The following ATP9B variants were observed in gnomAD, a reference collection of about 807,000 sequenced individuals.
ATP9B encodes ATPase phospholipid transporting 9B, also known as probable phospholipid-transporting ATPase IIB.
Under a neutral mutation model 146.1 loss-of-function variants are expected in ATP9B, and 110 were observed. That is an observed-to-expected ratio of 0.75 (90% confidence interval 0.65 to 0.88). The LOEUF is 0.88. Among genes scored for constraint, ATP9B ranks in the 40% least tolerant of loss-of-function variants. ATP9B has a pLI of 0.00. For synonymous variants in ATP9B, 604 were observed against 569.7 expected, an observed-to-expected ratio of 1.06 and a Z score of -0.86; for missense variants, 1,499 against 1,496.4, an observed-to-expected ratio of 1.00 and a Z score of -0.03.
intron 4 of ATP9B, among the ~76,000 whole-genome samples, chr18:79,124,968 G>A (rs565136788): frequency 6.6e-6 from 1 of 152,196 alleles, no homozygotes; most frequent in Non-Finnish European, 1.5e-5. Flanking sequence ...AAGACAGCCA[G>A]GAGAATGTGG....
chr18:79,219,942 G>C (rs995018008), intron 11 of ATP9B, among the ~76,000 whole-genome samples: 1 of 152,188 alleles, frequency 6.6e-6, no homozygotes, highest in Non-Finnish European at 1.5e-5. Context: ...TGTTGGCAAT[G>C]TGAAGGATCC....
intron 2 of ATP9B, among the ~76,000 whole-genome samples, chr18:79,104,926 A>G (rs762443497): frequency 6.6e-6 from 1 of 151,826 alleles, no homozygotes; most frequent in Non-Finnish European, 1.5e-5. Flanking sequence ...TTATTTTTAT[A>G]GAGGCAGGGT....
chr18:79,174,850 GTCTC>G (rs1279200357), intron 7 of ATP9B, among the ~76,000 whole-genome samples: 2 of 152,052 alleles, frequency 1.3e-5, no homozygotes, highest in Non-Finnish European at 1.5e-5. Flanking sequence ...ATGTCTACAT[GTCTC>G]TCTTTTAGTG....
At chr18:79,281,978 A>G (rs1280990512) in intron 13 of ATP9B, among the ~76,000 whole-genome samples, 1 of 152,226 alleles carries the variant, frequency 6.6e-6, no homozygotes, top group Non-Finnish European at 1.5e-5. Flanking sequence ...GCATTCATAC[A>G]GGTTTGGAAG....
intron 8 of ATP9B, among the ~76,000 whole-genome samples, 163 bp from the exon 9 acceptor site, chr18:79,193,020 A>T (rs566030417): frequency 5.3e-5 from 8 of 152,342 alleles, no homozygotes; most frequent in African/African-American, 1.7e-4. Flanking sequence ...TTCTTTCTTT[A>T]TCTGACATTC....
intron 15 of ATP9B, among the ~76,000 whole-genome samples, chr18:79,328,189 G>GTGTTCTCCGTGGTTAGCA (rs2096771559): frequency 2.6e-5 from 4 of 152,156 alleles, no homozygotes; most frequent in African/African-American, 9.7e-5. Flanking sequence ...TGTGGTTAGT[G>GTGTTCTCCGTGGTTAGCA]TGTTCTCCGT....
intron 12 of ATP9B, chr18:79,255,220 A>G (rs2096066408): frequency 6.6e-6 from 1 of 152,196 alleles, no homozygotes; most frequent in South Asian, 2.1e-4. Context: ...TTTGTCCTCA[A>G]AATACCCCCC....
chr18:79,173,376 T>C (rs541952701), intron 7 of ATP9B, among the ~76,000 whole-genome samples: 3 of 152,166 alleles, frequency 2.0e-5, no homozygotes, highest in Admixed American at 2.0e-4. Flanking sequence ...TCCTTTGATG[T>C]CCTGTTTAGG....
intron 5 of ATP9B, among the ~76,000 whole-genome samples, chr18:79,134,819 T>A (rs1472862851): frequency 2.0e-5 from 3 of 152,218 alleles, no homozygotes; most frequent in Non-Finnish European, 4.4e-5. Context: ...TTTTCTTGGA[T>A]GTAATGTATA....
chr18:79,349,691 T>C (rs957679026), intron 25 of ATP9B, among the ~76,000 whole-genome samples: 1 of 152,188 alleles, frequency 6.6e-6, no homozygotes, highest in African/African-American at 2.4e-5. Context: ...GTCACCTTTT[T>C]CCTGAGTTAG....
chr18:79,269,091 T>C (rs1379608738), intron 12 of ATP9B, among the ~76,000 whole-genome samples: 2 of 152,212 alleles, frequency 1.3e-5, no homozygotes, highest in Non-Finnish European at 2.9e-5. Context: ...GACTCTAGAT[T>C]CTTTTATTCA....
chr18:79,249,630 C>G (rs1273696077), intron 11 of ATP9B, among the ~76,000 whole-genome samples: 1 of 152,158 alleles, frequency 6.6e-6, no homozygotes, highest in African/African-American at 2.4e-5. Flanking sequence ...CACATCAAAA[C>G]TAAAGTTACC....
At chr18:79,362,921 T>C (rs1157282267) in intron 26 of ATP9B, 1 of 152,164 alleles carries the variant, frequency 6.6e-6, no homozygotes, top group East Asian at 1.9e-4. Context: ...TTTTATTTTC[T>C]GTAGAATACT....
At chr18:79,180,535 G>A (rs550551008) in intron 8 of ATP9B, among the ~76,000 whole-genome samples, 23 of 152,172 alleles carry the variant, frequency 1.5e-4, no homozygotes, top group East Asian at 3.9e-4. Context: ...CAGCTGCACC[G>A]TGCATTACTG....
At chr18:79,278,857 C>A (rs1389573764) in intron 13 of ATP9B, among the ~76,000 whole-genome samples, 1 of 152,060 alleles carries the variant, frequency 6.6e-6, no homozygotes, top group Non-Finnish European at 1.5e-5. Flanking sequence ...ATAAATAAAT[C>A]CATGGTAATA....
chr18:79,110,325 T>A, intron 2 of ATP9B, 30 bp from the exon 3 acceptor site: 1 of 1,500,130 alleles, frequency 6.7e-7, no homozygotes, highest in Non-Finnish European at 8.9e-7. Flanking sequence ...CAAAAAAAAA[T>A]ACACAATACG....
intron 15 of ATP9B, among the ~76,000 whole-genome samples, chr18:79,324,917 A>G (rs2096735867): frequency 1.3e-5 from 2 of 152,242 alleles, no homozygotes; most frequent in Non-Finnish European, 2.9e-5. Flanking sequence ...CCAACATTGT[A>G]CATAGTCATT....
rs556174910 is a variant in ATP9B at position 79,285,091 on chromosome 18, G to T, written c.1411+7895G>T. On this transcript the variant is annotated intron_variant, in intron 13 of 29. Coordinates refer to ENST00000426216, the MANE Select transcript of ATP9B (RefSeq NM_198531.5). ...TGCCGCAATAAACATACGTGTGCAT[G>T]TGTCTTTATAGCAGCATGATTTATA... 1.1e-4 allele frequency among the ~76,000 whole-genome samples: 17 copies of T among 151,608 alleles called. No individual in the cohort carries two copies. In the South Asian group the frequency reaches 1.3e-3, roughly 11 times the overall value.
chr18:79,377,247 A>G lies in ATP9B; in HGVS notation c.3308A>G (p.Asp1103Gly), dbSNP rs768692652. The G allele has an allele frequency of 1.2e-6, 2 of 1,611,420 alleles. No homozygotes were observed. The highest frequency in any genetic ancestry group is 1.7e-6 in the Non-Finnish European group (2 of 1,179,946). ...IGRVSFGAFL[D>G]VAFITTVTFL... ...CTTTTTCTCTGTTTCCTGCCAACAG[A>G]TGTTGCCTTTATCACCACCGTGACC... The change falls in exon 30 of 30, where the codon GAT becomes GGT. Residue 1103 changes from aspartate to glycine, a missense_variant and splice_region_variant. Asp to Gly is a moderately conservative substitution (Grantham distance 94). Coordinates refer to ENST00000426216, the MANE Select transcript of ATP9B (RefSeq NM_198531.5).
Sources: allele counts gnomAD v4.1 joint callset (sites outside exome capture counted in the v4.1 genomes callset), GRCh38; gene constraint gnomAD v4.1.1; transcripts MANE v1.5; gene names NCBI Gene and HGNC (gene_info 2026-07-23, HGNC 2026-07-21).